OBI1: variants seen among roughly 807,000 people sequenced by gnomAD.
The protein encoded by OBI1 is ring finger protein 219.
In OBI1, 59 loss-of-function variants were observed where a neutral mutation model predicts 62.4. The observed-to-expected ratio is 0.95, with a 90% CI of 0.77 to 1.17. The LOEUF (loss-of-function observed/expected upper bound fraction) is 1.17, where lower values mean the gene tolerates loss of function less well. OBI1 is among the 50% of genes most tolerant of loss of function. The probability of loss-of-function intolerance (pLI) is 0.00; values close to 1 mark genes in which losing one functional copy is unlikely to be tolerated. For missense variants in OBI1, 875 were observed against 830.9 expected (o/e 1.05, Z -0.65); for synonymous variants, 302 against 292.8 (o/e 1.03, Z -0.32).
At position 78,654,299 on chromosome 13, in the gene OBI1, T is replaced by C. The variant is rs530317732; in HGVS notation, c.72+4750A>G. Among the ~76,000 whole-genome samples, 11 of 152,370 alleles carry C rather than the reference T, an allele frequency of 7.2e-5. No individual in the cohort carries two copies. In the East Asian group the frequency reaches 2.1e-3, roughly 29 times the overall value. On this transcript the variant is annotated intron_variant, in intron 1 of 5. Coordinates refer to ENST00000282003, the MANE Select transcript of OBI1 (RefSeq NM_024546.4). Reference sequence around the variant, plus strand: ...TATAAAATGCAATATTGTTATACTTTTCTGAAAGTGAATCCTTCAAACTTA... The same window carrying C: ...TATAAAATGCAATATTGTTATACTTCTCTGAAAGTGAATCCTTCAAACTTA...
At chr13:78,643,827 T>G (rs1320370067) in intron 2 of OBI1, among the ~76,000 whole-genome samples, 36 of 152,152 alleles carry the variant, frequency 2.4e-4, no homozygotes. Flanking sequence ...TTTCCCTAAC[T>G]TGGGACTATT....
chr13:78,620,815 G>A (rs1363750426), intron 5 of OBI1: 5 of 346,368 alleles, frequency 1.4e-5, no homozygotes, highest in African/African-American at 8.8e-5. Context: ...AAAACAGGAC[G>A]TGTTTGAAGA....
intron 3 of OBI1, among the ~76,000 whole-genome samples, chr13:78,641,755 A>G (rs1876222130): frequency 6.6e-6 from 1 of 152,014 alleles, no homozygotes; most frequent in Non-Finnish European, 1.5e-5. Flanking sequence ...GGCTTTCACA[A>G]GGAGATTTCC....
chr13:78,615,270 C>A lies in OBI1; in HGVS notation c.*310G>T. On this transcript the variant is annotated 3_prime_UTR_variant, in exon 6 of 6. Coordinates refer to ENST00000282003, the MANE Select transcript of OBI1 (RefSeq NM_024546.4). Reference sequence around the variant, plus strand: ...AAACAATGTATATCCAACCGAGATACATATCAAATTCAGTAAAAAAACAAA... The same window carrying A: ...AAACAATGTATATCCAACCGAGATAAATATCAAATTCAGTAAAAAAACAAA... The A allele has an allele frequency of 4.3e-6, 1 of 234,670 alleles. No homozygotes were observed. The highest frequency in any genetic ancestry group is 1.2e-4 in the South Asian group (1 of 8,474). 14.5% of individuals were successfully genotyped at this position (234,670 alleles called of 1,614,324 possible).
At chr13:78,629,403 T>A (rs535414048) in intron 5 of OBI1, among the ~76,000 whole-genome samples, 29 of 152,180 alleles carry the variant, frequency 1.9e-4, no homozygotes, top group African/African-American at 7.0e-4. Flanking sequence ...AGTTAGTAGC[T>A]GAGGACAAAA....
rs2137420519 is a variant in OBI1, at chr13:78,615,520, A to G, written c.*60T>C. 4 of 1,278,872 alleles carry G rather than the reference A, an allele frequency of 3.1e-6. No individual in the cohort carries two copies. Among genetic ancestry groups the G allele is most frequent in the Non-Finnish European group, 3.3e-6 (3 of 920,406 alleles). The allele number at this position is 1,278,872 out of a possible 1,614,324, so 79.2% of individuals were successfully genotyped here. Reference sequence around the variant, plus strand: ...AGAACTTTTATGAGGAAAAAAGGTAACTTTAACAACTTTTCTATTTCTCTC... The same window carrying G: ...AGAACTTTTATGAGGAAAAAAGGTAGCTTTAACAACTTTTCTATTTCTCTC... On this transcript the variant is annotated 3_prime_UTR_variant, in exon 6 of 6. Transcript: ENST00000282003.
chr13:78,639,046 T>C lies in OBI1; in HGVS notation c.326A>G (p.Glu109Gly). 6.2e-7 allele frequency: 1 copy of C among 1,613,300 alleles called. No individual in the cohort carries two copies. Among genetic ancestry groups the C allele is most frequent in the Non-Finnish European group, 8.5e-7 (1 of 1,179,738 alleles). The change falls in exon 4 of 6, where the codon GAA (glutamate) becomes GGA (glycine). Residue 109 changes from glutamate to glycine, a missense_variant. Coordinates refer to ENST00000282003, the MANE Select transcript of OBI1 (RefSeq NM_024546.4). The stretch of plus-strand genomic sequence containing the variant: ...ATTTTTACTCTTAAGCTCTTCTACT[T>C]CTTTCTGTAAACAATCTATTTCGTC... Reference protein sequence around the residue: ...YEDEIDCLQKEVEELKSKNLS... With the variant: ...YEDEIDCLQKGVEELKSKNLS...
Position 78,638,910 on chromosome 13 carries a change from TG to T in OBI1, c.461del (p.Pro154GlnfsTer4). 6.2e-7 allele frequency: 1 copy of T among 1,614,018 alleles called. No individual in the cohort carries two copies. Among genetic ancestry groups the T allele is most frequent in the Non-Finnish European group, 8.5e-7 (1 of 1,179,942 alleles). Reference protein sequence around the residue: ...LVTDNPSKINPETVAEWKKKL... With the variant: ...LVTDNPSKINXETVAEWKKKL... ...TTTTCTTCCACTCTGCTACAGTTTC[TG>T]GGTTAATTTTACTTGGATTATCTGT... is the stretch of plus-strand genomic sequence containing the variant. On this transcript the variant is annotated frameshift_variant, in exon 4 of 6. Transcript: ENST00000282003. LOFTEE classifies it high-confidence loss of function.
chr13:78,648,206 C>A (rs967924236), intron 1 of OBI1, among the ~76,000 whole-genome samples: 1 of 151,640 alleles, frequency 6.6e-6, no homozygotes, highest in Non-Finnish European at 1.5e-5. Context: ...ATCTTTATGT[C>A]ATGAAATCTT....
Position 78,635,104 on chromosome 13 carries a change from A to T in OBI1, c.638+6T>A. On this transcript the variant is annotated splice_donor_region_variant and intron_variant, in intron 5 of 5. Transcript: ENST00000282003. The stretch of plus-strand genomic sequence containing the variant: ...TGAAGCATTGCTCTGGGAGCAAAAT[A>T]CATACTTTTGAGGTGATCTGTTATC... 3 of 1,568,360 alleles carry T rather than the reference A, an allele frequency of 1.9e-6. No individual in the cohort carries two copies. The highest frequency in any genetic ancestry group is 2.6e-6 in the Non-Finnish European group (3 of 1,144,552).
At chr13:78,649,249 C>T (rs1349323874) in intron 1 of OBI1, among the ~76,000 whole-genome samples, 1 of 152,120 alleles carries the variant, frequency 6.6e-6, no homozygotes, top group African/African-American at 2.4e-5. Context: ...AAAGAAGGCA[C>T]TCCAGCAAGC....
At chr13:78,644,779 C>T (rs2137460822) in intron 2 of OBI1, 83 bp downstream of exon 2, 1 of 1,431,750 alleles carries the variant, frequency 7.0e-7, no homozygotes, top group African/African-American at 1.4e-5. Context: ...CTGAAAATAG[C>T]CTATTTCAGT....
At chr13:78,643,953 A>G (rs1876302800) in intron 2 of OBI1, among the ~76,000 whole-genome samples, 1 of 152,234 alleles carries the variant, frequency 6.6e-6, no homozygotes, top group Non-Finnish European at 1.5e-5. Context: ...TTTGCAACCT[A>G]AAATAAATAA....
At chr13:78,633,161 G>A (rs1875906841) in intron 5 of OBI1, among the ~76,000 whole-genome samples, 1 of 152,164 alleles carries the variant, frequency 6.6e-6, no homozygotes, top group Non-Finnish European at 1.5e-5. Context: ...GACTGGCAAG[G>A]CAAGCTGCCA....
chr13:78,616,530 C>T lies in OBI1; in HGVS notation c.1231G>A (p.Val411Ile). 2 of 1,614,080 alleles carry T rather than the reference C, an allele frequency of 1.2e-6. No homozygotes were observed. The highest frequency in any genetic ancestry group is 1.7e-6 in the Non-Finnish European group (2 of 1,180,004). ...STPENRESSV[V>I]QAGGSKKHSN... Reference sequence around the variant, plus strand: ...TGCTTTTTGGAACCTCCTGCTTGGACCACAGAGCTCTCTCTATTTTCTGGA... The same window carrying T: ...TGCTTTTTGGAACCTCCTGCTTGGATCACAGAGCTCTCTCTATTTTCTGGA... Residue 411 changes from valine to isoleucine, a missense_variant, in exon 6 of 6, where the codon GTC becomes ATC. Coordinates refer to ENST00000282003, the MANE Select transcript of OBI1 (RefSeq NM_024546.4).
At chr13:78,644,836 T>C in intron 2 of OBI1, 26 bp downstream of exon 2, 1 of 1,606,208 alleles carries the variant, frequency 6.2e-7, no homozygotes, top group Admixed American at 1.7e-5. Context: ...AACCTATTCC[T>C]ATGCATATAT....
At chr13:78,630,677 G>C (rs1350515449) in intron 5 of OBI1, among the ~76,000 whole-genome samples, 1 of 152,080 alleles carries the variant, frequency 6.6e-6, no homozygotes, top group Non-Finnish European at 1.5e-5. Context: ...TCTGCCATTC[G>C]AGGATACAGC....
At chr13:78,624,090 G>C (rs1833961375) in intron 5 of OBI1, among the ~76,000 whole-genome samples, 1 of 152,156 alleles carries the variant, frequency 6.6e-6, no homozygotes, top group African/African-American at 2.4e-5. Context: ...TCAACTACAA[G>C]TAAAAGATGT....
intron 5 of OBI1, among the ~76,000 whole-genome samples, chr13:78,620,212 G>C (rs1875463854): frequency 6.6e-6 from 1 of 152,154 alleles, no homozygotes; most frequent in Admixed American, 6.5e-5. Context: ...AACAATTAGG[G>C]ATAAGTATCT....
Sources: gnomAD v4.1 joint callset for allele counts (sites outside exome capture counted in the v4.1 genomes callset) on GRCh38, gnomAD v4.1.1 for gene constraint, MANE v1.5 for transcripts, NCBI Gene and HGNC (gene_info 2026-07-23, HGNC 2026-07-21) for gene names.